CDH18: variants seen among roughly 807,000 people sequenced by gnomAD.
CDH18 encodes cadherin-18.
In CDH18, 31 loss-of-function variants were observed where a neutral mutation model predicts 67.9. That is an observed-to-expected ratio of 0.46 (90% CI 0.34 to 0.62). CDH18 has a LOEUF of 0.62. Among genes scored for constraint, CDH18 ranks in the 20% least tolerant of loss-of-function variants. CDH18 has a pLI of 0.01. For synonymous variants in CDH18, 362 were observed against 347.2 expected (o/e 1.04, Z -0.48); for missense variants, 890 against 975.5 (o/e 0.91, Z 1.17).
intron 1 of CDH18, among the ~76,000 whole-genome samples, chr5:20,417,495 T>C (rs1383905555): frequency 1.3e-5 from 2 of 152,194 alleles, no homozygotes; most frequent in African/African-American, 4.8e-5. Context: ...TCCAGAATTA[T>C]AAAACTAGCA....
chr5:19,921,424 G>A lies in CDH18; in HGVS notation c.-257+59636C>T, dbSNP rs1240928330. On this transcript the variant is annotated intron_variant, in intron 2 of 12. Coordinates refer to ENST00000382275, the MANE Select transcript of CDH18 (RefSeq NM_004934.5). ...CGGGCACCTGTAGTCCCAGCTACTC[G>A]GGAGGCTGAGACAGGAGAATGGTGT... Among the ~76,000 whole-genome samples, 7 of 151,324 alleles carry A rather than the reference G, an allele frequency of 4.6e-5. No individual in the cohort carries two copies. The East Asian group carries it at 5.8e-4, about 13-fold the overall frequency.
intron 1 of CDH18, among the ~76,000 whole-genome samples, chr5:20,570,624 A>G (rs1758762794): frequency 6.6e-6 from 1 of 152,148 alleles, no homozygotes; most frequent in Non-Finnish European, 1.5e-5. Flanking sequence ...CTCTATTCTC[A>G]GTAACCTGGG....
intron 2 of CDH18, among the ~76,000 whole-genome samples, chr5:20,116,918 T>C (rs1239500457): frequency 6.6e-6 from 1 of 152,098 alleles, no homozygotes; most frequent in African/African-American, 2.4e-5. Context: ...AAACAACATA[T>C]ATTTTTACCA....
chr5:20,069,189 T>G (rs1255171789), intron 2 of CDH18, among the ~76,000 whole-genome samples: 3 of 151,870 alleles, frequency 2.0e-5, no homozygotes, highest in African/African-American at 7.2e-5. Flanking sequence ...AAATAGAAAT[T>G]TATATAAATA....
At chr5:19,587,434 T>A (rs1744348821) in intron 7 of CDH18, among the ~76,000 whole-genome samples, 1 of 152,186 alleles carries the variant, frequency 6.6e-6, no homozygotes, top group Admixed American at 6.6e-5. Context: ...GTTTTACATT[T>A]AAGTCTTTAA....
chr5:20,058,483 C>A (rs974677807), intron 2 of CDH18, among the ~76,000 whole-genome samples: 1 of 152,032 alleles, frequency 6.6e-6, no homozygotes, highest in Non-Finnish European at 1.5e-5. Context: ...TCTCAGGGAA[C>A]GTTATTATTG....
chr5:20,200,662 T>C (rs1561872022), intron 2 of CDH18, among the ~76,000 whole-genome samples: 1 of 151,554 alleles, frequency 6.6e-6, no homozygotes, highest in African/African-American at 2.4e-5. Context: ...GGCAACAGAG[T>C]GAGAGCCCAT....
intron 5 of CDH18, among the ~76,000 whole-genome samples, chr5:19,666,296 C>CG (rs1001950008): frequency 7.6e-5 from 11 of 145,588 alleles, no homozygotes; most frequent in African/African-American, 2.2e-4. Context: ...TCTCTAGAGA[C>CG]GGGGTCTCAT....
chr5:20,330,274 A>G (rs1195163497), intron 1 of CDH18, among the ~76,000 whole-genome samples: 1 of 152,138 alleles, frequency 6.6e-6, no homozygotes, highest in Non-Finnish European at 1.5e-5. Flanking sequence ...GACAGTTGCT[A>G]TATAATAGGA....
chr5:19,730,421 T>C (rs956641582), intron 4 of CDH18, among the ~76,000 whole-genome samples: 1 of 152,228 alleles, frequency 6.6e-6, no homozygotes, highest in Non-Finnish European at 1.5e-5. Context: ...ATATTGTTAG[T>C]ACAAGTTGAA....
chr5:19,652,595 A>C (rs1465069541), intron 5 of CDH18, among the ~76,000 whole-genome samples: 1 of 152,170 alleles, frequency 6.6e-6, no homozygotes, highest in East Asian at 1.9e-4. Context: ...TAATCACAAA[A>C]ATCAATGCTG....
At chr5:19,613,576 T>G (rs529069534) in intron 5 of CDH18, among the ~76,000 whole-genome samples, 1 of 152,296 alleles carries the variant, frequency 6.6e-6, no homozygotes, top group South Asian at 2.1e-4. Flanking sequence ...ACGTTTAACA[T>G]TTTTGCATGA....
chr5:20,267,910 C>T (rs150017644), intron 1 of CDH18, among the ~76,000 whole-genome samples: 1 of 152,244 alleles, frequency 6.6e-6, no homozygotes, highest in East Asian at 1.9e-4. Context: ...AGGTAGTGAA[C>T]AGAGTAGCCA....
rs34972691 is a variant in CDH18 at position 19,473,030 on chromosome 5, C to CTTTTTTTTTTTTTTTTTT, written c.*195_*196insAAAAAAAAAAAAAAAAAA. 5.1e-6 allele frequency: 2 copies of CTTTTTTTTTTTTTTTTTT among 389,952 alleles called. No homozygotes were observed. Among genetic ancestry groups the CTTTTTTTTTTTTTTTTTT allele is most frequent in the African/African-American group, 2.2e-5 (1 of 45,876 alleles). The allele number at this position is 389,952 out of a possible 1,614,324, so 24.2% of individuals were successfully genotyped here. A position where few individuals can be genotyped will look rare whatever the true frequency, so the allele number is the denominator to read the frequency against. On this transcript the variant is annotated 3_prime_UTR_variant, in exon 13 of 13. Transcript: ENST00000382275. ...AACAATAACTTTTTCTTTGTATTGT[C>CTTTTTTTTTTTTTTTTTT]TTTTTTTTTTTTTTTTTACTTTCTT...
At chr5:19,948,518 G>A (rs989638542) in intron 2 of CDH18, among the ~76,000 whole-genome samples, 2 of 152,078 alleles carry the variant, frequency 1.3e-5, no homozygotes, top group South Asian at 2.1e-4. Context: ...ACATAGGAGC[G>A]GTTGCCCTCT....
chr5:20,420,929 C>T (rs764778582), intron 1 of CDH18, among the ~76,000 whole-genome samples: 17 of 151,158 alleles, frequency 1.1e-4, no homozygotes, highest in Non-Finnish European at 2.1e-4. Context: ...AAATTTTTAA[C>T]ATTAGATCTT....
At chr5:20,465,962 A>G (rs1213200826) in intron 1 of CDH18, among the ~76,000 whole-genome samples, 1 of 152,068 alleles carries the variant, frequency 6.6e-6, no homozygotes, top group African/African-American at 2.4e-5. Flanking sequence ...CAATAGATTT[A>G]CTATTTTGTT....
chr5:19,610,704 C>T (rs762552774), intron 6 of CDH18, among the ~76,000 whole-genome samples: 18 of 152,138 alleles, frequency 1.2e-4, no homozygotes, highest in African/African-American at 4.1e-4. Context: ...TCTGAATTAT[C>T]GCTTATTATC....
At chr5:20,472,555 A>G (rs1480760785) in intron 1 of CDH18, among the ~76,000 whole-genome samples, 2 of 152,204 alleles carry the variant, frequency 1.3e-5, no homozygotes, top group African/African-American at 2.4e-5. Flanking sequence ...CTAAAAAAAT[A>G]AAGTTTACTA....
Sources: gnomAD v4.1 joint callset for allele counts (sites outside exome capture counted in the v4.1 genomes callset) on GRCh38, gnomAD v4.1.1 for gene constraint, MANE v1.5 for transcripts, NCBI Gene and HGNC (gene_info 2026-07-23, HGNC 2026-07-21) for gene names.